Variants in TRIO observed in about 807,000 individuals in gnomAD.
The protein encoded by TRIO is trio Rho guanine nucleotide exchange factor.
A neutral mutation model predicts 351.9 loss-of-function variants in TRIO; 58 were observed. The observed-to-expected ratio is 0.16, with a 90% CI of 0.13 to 0.21. TRIO has a LOEUF of 0.21. TRIO is among the 10% of genes least tolerant of loss of function. The pLI is 1.00. For missense variants in TRIO, 3,201 were observed against 4,027.8 expected (o/e 0.79, Z 5.56); for synonymous variants, 1,758 against 1,595.7 (o/e 1.10, Z -2.42).
At chr5:14,261,194 TC>T (rs1795320822) in intron 1 of TRIO, among the ~76,000 whole-genome samples, 1 of 152,240 alleles carries the variant, frequency 6.6e-6, no homozygotes, top group Non-Finnish European at 1.5e-5. Flanking sequence ...AGTTCCTTTT[TC>T]TTCTGGAAAT....
intron 1 of TRIO, among the ~76,000 whole-genome samples, chr5:14,269,623 G>A (rs1300116098): frequency 6.6e-6 from 1 of 152,180 alleles, no homozygotes; most frequent in Admixed American, 6.5e-5. Context: ...TCCTTTTCCA[G>A]GTGTCTCTCC....
intron 37 of TRIO, among the ~76,000 whole-genome samples, chr5:14,468,406 T>G (rs1015781700): frequency 6.6e-6 from 1 of 152,234 alleles, no homozygotes; most frequent in African/African-American, 2.4e-5. Flanking sequence ...ACATGGGAGC[T>G]CTCAACCAGG....
chr5:14,474,237 A>G, intron 40 of TRIO, 140 bp downstream of exon 40: 1 of 700,612 alleles, frequency 1.4e-6, no homozygotes, highest in Non-Finnish European at 2.4e-6. Context: ...CAAAGGAGAT[A>G]TTGATGTACC....
At position 14,387,754 on chromosome 5, in the gene TRIO, T is replaced by C. The variant is rs761047512; in HGVS notation, c.3788T>C (p.Ile1263Thr). The C allele has an allele frequency of 6.2e-7, 1 of 1,614,234 alleles. No individual in the cohort carries two copies. Among genetic ancestry groups the C allele is most frequent in the Non-Finnish European group, 8.5e-7 (1 of 1,180,034 alleles). Reference sequence around the variant, plus strand: ...CAGAGTAAAAGTCTCCAGCTAGATATCATTCCAGCCAGTATCCCTGGCTCA... The same window carrying C: ...CAGAGTAAAAGTCTCCAGCTAGATACCATTCCAGCCAGTATCCCTGGCTCA... ...NKSSKSLQLDIIPASIPGSEV... is the reference protein window; with the variant it reads ...NKSSKSLQLDTIPASIPGSEV... The change falls in exon 23 of 57, where the codon ATC becomes ACC. Residue 1263 changes from isoleucine (I) to threonine (T), a missense_variant. Ile to Thr is a moderately conservative substitution (Grantham distance 89). This residue lies in a region of TRIO where 201 missense variants were observed against 266.5 expected (regional missense o/e 0.75). Transcript: ENST00000344204.
chr5:14,382,910 T>C (rs1158365699), intron 21 of TRIO, among the ~76,000 whole-genome samples: 1 of 151,550 alleles, frequency 6.6e-6, no homozygotes, highest in African/African-American at 2.4e-5. Context: ...GAATACATAA[T>C]AGTTATGCAC....
At position 14,488,105 on chromosome 5, in the gene TRIO, C is replaced by G. The variant is rs759022594; in HGVS notation, c.7477C>G (p.Pro2493Ala). 9.3e-6 allele frequency: 15 copies of G among 1,609,798 alleles called. No individual in the cohort carries two copies. Among genetic ancestry groups the G allele is most frequent in the Non-Finnish European group, 1.3e-5 (15 of 1,179,198 alleles). The change falls in exon 48 of 57, where the codon CCC becomes GCC. Residue 2493 changes from proline (P) to alanine (A), a missense_variant. Pro to Ala is a conservative substitution (Grantham distance 27, BLOSUM62 -1). Transcript: ENST00000344204. Reference protein sequence around the residue: ...GSFWSSIPASPASRPGSFTFP... With the variant: ...GSFWSSIPASAASRPGSFTFP... ...CTTCTGGAGCTCCATCCCCGCCTCC[C>G]CCGCCAGCCGACCCGGCTCCTTCAC...
At chr5:14,219,561 T>C (rs1375409042) in intron 1 of TRIO, among the ~76,000 whole-genome samples, 4 of 152,244 alleles carry the variant, frequency 2.6e-5, no homozygotes, top group African/African-American at 9.6e-5. Flanking sequence ...TTCCCAGTTT[T>C]AGTACAGTGT....
chr5:14,473,249 G>T (rs1754813552), intron 39 of TRIO, among the ~76,000 whole-genome samples: 1 of 152,108 alleles, frequency 6.6e-6, no homozygotes, highest in South Asian at 2.1e-4. Context: ...GTCAATTCGG[G>T]GATTAGTGAG....
intron 13 of TRIO, among the ~76,000 whole-genome samples, chr5:14,362,037 C>T (rs1744197183): frequency 6.6e-6 from 1 of 152,138 alleles, no homozygotes; most frequent in African/African-American, 2.4e-5. Context: ...TTGCTTGAAC[C>T]CCAGAGGCAG....
chr5:14,396,067 A>G (rs937412035), intron 28 of TRIO, among the ~76,000 whole-genome samples: 4 of 150,350 alleles, frequency 2.7e-5, no homozygotes, highest in East Asian at 1.9e-4. Flanking sequence ...AAAAAAAAAA[A>G]GGATCTTGGA....
intron 13 of TRIO, 129 bp downstream of exon 13, chr5:14,359,660 G>A (rs1392788079): frequency 1.8e-6 from 2 of 1,139,310 alleles, no homozygotes; most frequent in Non-Finnish European, 2.5e-6. Context: ...CTCTGCACCA[G>A]GAGGGGGTGT....
At chr5:14,245,802 G>C (rs1794405739) in intron 1 of TRIO, among the ~76,000 whole-genome samples, 1 of 152,248 alleles carries the variant, frequency 6.6e-6, no homozygotes, top group African/African-American at 2.4e-5. Context: ...GGTGACCCTG[G>C]TGTGCTGCCA....
In TRIO at chr5:14,482,656, G is replaced by A. The variant is rs543537234; in HGVS notation, c.6540G>A (p.Leu2180=). The A allele has an allele frequency of 1.3e-5, 21 of 1,607,706 alleles. No individual in the cohort carries two copies. The South Asian group carries it at 2.3e-4, about 18-fold the overall frequency. Residue 2180 remains leucine, a synonymous_variant, in exon 46 of 57, where the codon CTG becomes CTA. Coordinates refer to ENST00000344204, the MANE Select transcript of TRIO (RefSeq NM_007118.4). ...TCACAGACCAAGATGCAGGACTTCT[G>A]CCTCGCTGCAGAGAGAGGCGCATCT... is the stretch of plus-strand genomic sequence containing the variant. ...FLVTDQDAGL[L]PRCRERRIFL...
intron 1 of TRIO, among the ~76,000 whole-genome samples, chr5:14,248,782 TCTC>T (rs1338247923): frequency 2.0e-5 from 3 of 152,134 alleles, no homozygotes; most frequent in Non-Finnish European, 4.4e-5. Flanking sequence ...TTTACAGACT[TCTC>T]CTGTAATCCT....
chr5:14,165,249 C>T (rs550468816), intron 1 of TRIO, among the ~76,000 whole-genome samples: 3 of 152,258 alleles, frequency 2.0e-5, no homozygotes, highest in East Asian at 1.9e-4. Context: ...GTACCTGATG[C>T]GTAGTTTTTA....
intron 18 of TRIO, among the ~76,000 whole-genome samples, chr5:14,370,127 T>C (rs141129821): frequency 1.5e-3 from 222 of 151,850 alleles, no homozygotes; most frequent in Non-Finnish European, 2.3e-3. Context: ...TTCTTTCTTT[T>C]TTTTTTTTTA....
chr5:14,213,561 G>A (rs1316747070), intron 1 of TRIO, among the ~76,000 whole-genome samples: 1 of 152,016 alleles, frequency 6.6e-6, no homozygotes, highest in Admixed American at 6.6e-5. Flanking sequence ...TATTTTCTGA[G>A]TATTTTCAGA....
At chr5:14,313,406 G>A (rs1028026745) in intron 8 of TRIO, among the ~76,000 whole-genome samples, 2 of 152,182 alleles carry the variant, frequency 1.3e-5, no homozygotes, top group Admixed American at 1.3e-4. Context: ...GACACTCAAG[G>A]AAAGAAATAT....
chr5:14,434,479 A>G (rs879545899), intron 34 of TRIO, among the ~76,000 whole-genome samples: 1 of 149,860 alleles, frequency 6.7e-6, no homozygotes, highest in Non-Finnish European at 1.5e-5. Context: ...ATAACACAAC[A>G]CTCAGTTTTT....
Sources: allele counts gnomAD v4.1 joint callset (sites outside exome capture counted in the v4.1 genomes callset), GRCh38; gene constraint gnomAD v4.1.1; regional missense constraint gnomAD v4.1.1; transcripts MANE v1.5; gene names NCBI Gene and HGNC (gene_info 2026-07-23, HGNC 2026-07-21).